The following MMP20 variants were observed in gnomAD, a reference collection of about 807,000 sequenced individuals.
MMP20 encodes the protein matrix metallopeptidase 20, also known as matrix metalloproteinase-20.
Under a neutral mutation model 51.8 loss-of-function variants are expected in MMP20, and 50 were observed. The observed-to-expected ratio is 0.97, with a 90% CI of 0.77 to 1.22. The LOEUF is 1.22. MMP20 is among the 50% of genes most tolerant of loss of function. The pLI, the probability that MMP20 is intolerant of heterozygous loss-of-function variation, is 0.00. For synonymous variants in MMP20, 244 were observed against 216.2 expected (o/e 1.13, Z -1.13); for missense variants, 663 against 601.4 (o/e 1.10, Z -1.07).
At chr11:102,584,518 A>G (rs1261316315) in intron 8 of MMP20, among the ~76,000 whole-genome samples, 1 of 152,162 alleles carries the variant, frequency 6.6e-6, no homozygotes, top group Non-Finnish European at 1.5e-5. Context: ...TATATTCTAG[A>G]CACAAGTTCT....
Position 102,577,115 on chromosome 11 carries a change from G to T in MMP20, c.*211C>A, listed in dbSNP as rs1859134870. The T allele has an allele frequency of 1.8e-6, 1 of 542,370 alleles. No homozygotes were observed. Among genetic ancestry groups the T allele is most frequent in the Admixed American group, 3.1e-5 (1 of 32,140 alleles). 33.6% of individuals were successfully genotyped at this position (542,370 alleles called of 1,614,324 possible). A position where few individuals can be genotyped will look rare whatever the true frequency, so the allele number is the denominator to read the frequency against. On this transcript the variant is annotated 3_prime_UTR_variant, in exon 10 of 10. Coordinates refer to ENST00000260228, the MANE Select transcript of MMP20 (RefSeq NM_004771.4). The stretch of plus-strand genomic sequence containing the variant: ...TGTGTTGATTTGGATTTCGCATAAA[G>T]TTGCCCATATAAAAACTTTTCTAAT...
chr11:102,579,519 C>T (rs888984440), intron 8 of MMP20, among the ~76,000 whole-genome samples: 4 of 151,994 alleles, frequency 2.6e-5, no homozygotes, highest in African/African-American at 9.7e-5. Flanking sequence ...GCCATGTTGC[C>T]CAGGCTGGTC....
At chr11:102,615,296 A>T (rs1053267612) in intron 2 of MMP20, among the ~76,000 whole-genome samples, 1 of 148,258 alleles carries the variant, frequency 6.7e-6, no homozygotes, top group African/African-American at 2.4e-5. Flanking sequence ...TTAATATAAT[A>T]TAATTTAATT....
intron 8 of MMP20, among the ~76,000 whole-genome samples, chr11:102,586,732 G>A (rs1859259121): frequency 6.6e-6 from 1 of 152,078 alleles, no homozygotes; most frequent in African/African-American, 2.4e-5. Flanking sequence ...CAGGAGAATG[G>A]TGTGAACCCG....
chr11:102,584,044 G>C (rs1299126666), intron 8 of MMP20, among the ~76,000 whole-genome samples: 1 of 152,074 alleles, frequency 6.6e-6, no homozygotes, highest in Admixed American at 6.6e-5. Context: ...TGGAGATTTG[G>C]GTTGTTTCCA....
rs75581740 is a variant in MMP20 at position 102,606,274 on chromosome 11, C to T, written c.953+261G>A. 2.7e-3 allele frequency among the ~76,000 whole-genome samples: 412 copies of T among 152,286 alleles called. 7 individuals are homozygous for T. In the East Asian group the frequency reaches 0.056, roughly 21 times the overall value. On this transcript the variant is annotated intron_variant, in intron 6 of 9. Coordinates refer to ENST00000260228, the MANE Select transcript of MMP20 (RefSeq NM_004771.4). ...TGCACATTAGGGATTCTAATCTCTACAGTGAAAAAGGTTACAATAAATATT... is the reference window on the plus strand; with the variant it reads ...TGCACATTAGGGATTCTAATCTCTATAGTGAAAAAGGTTACAATAAATATT...
intron 6 of MMP20, among the ~76,000 whole-genome samples, chr11:102,602,081 C>T (rs1859453401): frequency 1.4e-5 from 2 of 147,168 alleles, no homozygotes; most frequent in African/African-American, 2.5e-5. Context: ...TCCCGAGTAG[C>T]TGGGATTACA....
rs1404805392 is a variant in MMP20, at chr11:102,601,412, G to T, written c.953+5123C>A. ...CTCCCAAAGTGCTGGGATTACAGGC[G>T]TGAGCCACCGCGCCCGGCCTCGGCT... On this transcript the variant is annotated intron_variant, in intron 6 of 9. Coordinates refer to ENST00000260228, the MANE Select transcript of MMP20 (RefSeq NM_004771.4). Among the ~76,000 whole-genome samples the T allele has an allele frequency of 5.4e-5, 2 of 37,334 alleles. 1 individual carries two copies. Among genetic ancestry groups the T allele is most frequent in the East Asian group, 1.2e-3 (2 of 1,692 alleles). The allele number at this position is 37,334 out of a possible 152,430, so 24.5% of individuals were successfully genotyped here. A position where few individuals can be genotyped will look rare whatever the true frequency, so the allele number is the denominator to read the frequency against.
intron 8 of MMP20, among the ~76,000 whole-genome samples, chr11:102,586,435 T>C (rs1859254955): frequency 6.6e-6 from 1 of 152,268 alleles, no homozygotes; most frequent in Non-Finnish European, 1.5e-5. Context: ...TATACAATTG[T>C]TCATAGTATT....
At chr11:102,614,050 G>A (rs995538529) in intron 2 of MMP20, among the ~76,000 whole-genome samples, 18 of 152,200 alleles carry the variant, frequency 1.2e-4, no homozygotes, top group Non-Finnish European at 1.6e-4. Flanking sequence ...AGTAATACTA[G>A]CCAATATTCT....
chr11:102,601,017 A>G (rs1859439181), intron 6 of MMP20, among the ~76,000 whole-genome samples: 1 of 152,084 alleles, frequency 6.6e-6, no homozygotes, highest in Non-Finnish European at 1.5e-5. Flanking sequence ...GAACTAAGTT[A>G]TAATTCCAGC....
At chr11:102,610,573 A>G (rs1483616986) in intron 3 of MMP20, among the ~76,000 whole-genome samples, 1 of 152,196 alleles carries the variant, frequency 6.6e-6, no homozygotes, top group Non-Finnish European at 1.5e-5. Flanking sequence ...TTCATGTGGA[A>G]AACATATGAA....
At chr11:102,607,653 T>C (rs1859536391) in intron 5 of MMP20, 1 of 152,120 alleles carries the variant, frequency 6.6e-6, no homozygotes, top group African/African-American at 2.4e-5. Context: ...GTGATATGAA[T>C]GCTCCCTTGT....
chr11:102,608,294 G>A (rs1051420258), intron 5 of MMP20, among the ~76,000 whole-genome samples: 20 of 152,180 alleles, frequency 1.3e-4, no homozygotes, highest in African/African-American at 4.3e-4. Context: ...GGATTAATTG[G>A]TTTGTTTTTC....
At chr11:102,604,383 TTAAAAA>T (rs775591844) in intron 6 of MMP20, among the ~76,000 whole-genome samples, 1 of 152,260 alleles carries the variant, frequency 6.6e-6, no homozygotes, top group Non-Finnish European at 1.5e-5. Context: ...GGTCAGTGTC[TTAAAAA>T]TAAAAAATCA....
intron 8 of MMP20, among the ~76,000 whole-genome samples, chr11:102,579,611 G>C (rs992283532): frequency 1.3e-5 from 2 of 152,166 alleles, no homozygotes; most frequent in African/African-American, 4.8e-5. Context: ...ACTGGGCCTG[G>C]CCCTTGTTGT....
At position 102,598,743 on chromosome 11, in the gene MMP20, T is replaced by G. The variant is rs564740925; in HGVS notation, c.954-3986A>C. Among the ~76,000 whole-genome samples, 6 of 152,330 alleles carry G rather than the reference T, an allele frequency of 3.9e-5. No homozygotes were observed. The East Asian group carries it at 9.6e-4, about 24-fold the overall frequency. Reference sequence around the variant, plus strand: ...TTATCCTTGGGCTTAGCATGCTGCCTGGTGCATCCAGGGACTTGATGCATG... The same window carrying G: ...TTATCCTTGGGCTTAGCATGCTGCCGGGTGCATCCAGGGACTTGATGCATG... On this transcript the variant is annotated intron_variant, in intron 6 of 9. Coordinates refer to ENST00000260228, the MANE Select transcript of MMP20 (RefSeq NM_004771.4).
intron 8 of MMP20, among the ~76,000 whole-genome samples, chr11:102,585,008 T>G (rs1859238813): frequency 6.6e-6 from 1 of 152,264 alleles, no homozygotes; most frequent in Middle Eastern, 3.4e-3. Flanking sequence ...AATATCACAG[T>G]CTTAGTTACT....
chr11:102,578,312 T>A (rs200526618), intron 9 of MMP20, among the ~76,000 whole-genome samples: 37,225 of 151,832 alleles, frequency 0.25, 4,724 homozygotes, highest in East Asian at 0.29. Flanking sequence ...CTCAGCTAAC[T>A]TTTTTGTAGA....
Sources: gnomAD v4.1 joint callset for allele counts (sites outside exome capture counted in the v4.1 genomes callset) on GRCh38, gnomAD v4.1.1 for gene constraint, MANE v1.5 for transcripts, NCBI Gene and HGNC (gene_info 2026-07-23, HGNC 2026-07-21) for gene names.